Variants in MRPS28 observed in about 807,000 individuals in gnomAD.
The protein encoded by MRPS28 is small ribosomal subunit protein bS1m.
A neutral mutation model predicts 10.8 loss-of-function variants in MRPS28; 7 were observed. That is an observed-to-expected ratio of 0.65 (90% CI 0.37 to 1.22). The LOEUF is 1.22. Among genes scored for constraint, MRPS28 ranks in the 50% most tolerant of loss-of-function variants. The probability of loss-of-function intolerance (pLI) is 0.02; values close to 1 mark genes in which losing one functional copy is unlikely to be tolerated. For synonymous variants in MRPS28, 121 were observed against 93.3 expected, an observed-to-expected ratio of 1.30 and a Z score of -1.71; for missense variants, 265 against 232.9, an observed-to-expected ratio of 1.14 and a Z score of -0.90.
chr8:79,993,343 A>G lies in MRPS28; in HGVS notation c.395+9656T>C, dbSNP rs1204651582. On this transcript the variant is annotated intron_variant, in intron 2 of 2. Transcript: ENST00000276585. ...GCAAACTTCCTAGAGATGTAAATTT[A>G]GACAATCTCTGGAATGATAGAGCTA... Among the ~76,000 whole-genome samples the G allele has an allele frequency of 2.6e-5, 4 of 152,212 alleles. No individual in the cohort carries two copies. In the East Asian group the frequency reaches 7.7e-4, roughly 29 times the overall value.
chr8:79,953,126 T>C (rs1406725597), intron 2 of MRPS28, among the ~76,000 whole-genome samples: 2 of 152,136 alleles, frequency 1.3e-5, no homozygotes, highest in Non-Finnish European at 2.9e-5. Context: ...AAAGGTGCTC[T>C]CACAGTGGAA....
chr8:79,983,025 AGTAGGG>A (rs1232049946), intron 2 of MRPS28, among the ~76,000 whole-genome samples: 2 of 145,562 alleles, frequency 1.4e-5, no homozygotes, highest in African/African-American at 5.2e-5. Flanking sequence ...GGCACCCCCC[AGTAGGG>A]GCAGACTGAC....
At chr8:79,979,975 G>A (rs1807912018) in intron 2 of MRPS28, among the ~76,000 whole-genome samples, 1 of 110,480 alleles carries the variant, frequency 9.1e-6, no homozygotes, top group African/African-American at 3.4e-5. Flanking sequence ...AAGTAGACAA[G>A]TTTTCTGCTA....
intron 2 of MRPS28, among the ~76,000 whole-genome samples, chr8:79,999,711 A>C (rs1173118429): frequency 6.6e-6 from 1 of 152,208 alleles, no homozygotes; most frequent in Non-Finnish European, 1.5e-5. Context: ...TGTACATAGG[A>C]TATGCAGGTA....
chr8:79,968,682 T>G (rs1211155425), intron 2 of MRPS28, among the ~76,000 whole-genome samples: 1 of 151,786 alleles, frequency 6.6e-6, no homozygotes, highest in African/African-American at 2.4e-5. Context: ...CTTAGGGAAC[T>G]TCTACTCATT....
chr8:79,975,232 G>A (rs1005091274), intron 2 of MRPS28, among the ~76,000 whole-genome samples: 1 of 152,168 alleles, frequency 6.6e-6, no homozygotes, highest in African/African-American at 2.4e-5. Flanking sequence ...GGGAGGTTGA[G>A]GCTGCAGTGA....
At chr8:79,931,570 G>T (rs1009274945) in intron 2 of MRPS28, among the ~76,000 whole-genome samples, 1 of 152,138 alleles carries the variant, frequency 6.6e-6, no homozygotes, top group Non-Finnish European at 1.5e-5. Flanking sequence ...CCGTAAAAGA[G>T]GAATCACCGT....
intron 1 of MRPS28, among the ~76,000 whole-genome samples, chr8:80,016,164 C>G (rs1809188810): frequency 6.6e-6 from 1 of 152,020 alleles, no homozygotes; most frequent in South Asian, 2.1e-4. Flanking sequence ...ATATCAGACA[C>G]CAAACCACAG....
chr8:79,981,165 CA>C (rs1258007627), intron 2 of MRPS28, among the ~76,000 whole-genome samples: 1 of 151,920 alleles, frequency 6.6e-6, no homozygotes, highest in Non-Finnish European at 1.5e-5. Context: ...TCTGTCTCAA[CA>C]AAAAAATACA....
intron 2 of MRPS28, among the ~76,000 whole-genome samples, chr8:79,964,854 T>A (rs1290124303): frequency 6.6e-6 from 1 of 151,976 alleles, no homozygotes; most frequent in Admixed American, 6.6e-5. Context: ...ATTAATAACA[T>A]CAGAACCATC....
At position 79,919,057 on chromosome 8, in the gene MRPS28, G is replaced by GTACA. The variant is rs1809999440; in HGVS notation, c.483_486dup (p.Leu163CysfsTer5). The GTACA allele has an allele frequency of 6.2e-7, 1 of 1,610,322 alleles. No homozygotes were observed. Among genetic ancestry groups the GTACA allele is most frequent in the South Asian group, 1.1e-5 (1 of 90,354 alleles). ...CCCAAGAGAACTGCATTAGCCTCTA[G>GTACA]TACAGTTGTATCTGTTGTTGCTCCC... On this transcript the variant is annotated frameshift_variant, in exon 3 of 3. Coordinates refer to ENST00000276585, the MANE Select transcript of MRPS28 (RefSeq NM_014018.3). LOFTEE classifies it high-confidence loss of function.
chr8:80,008,609 T>G (rs1808934980), intron 1 of MRPS28, among the ~76,000 whole-genome samples: 1 of 151,932 alleles, frequency 6.6e-6, no homozygotes, highest in South Asian at 2.1e-4. Flanking sequence ...AAAAAGTGGG[T>G]GAAGGATATG....
At chr8:80,012,296 A>C (rs984660204) in intron 1 of MRPS28, among the ~76,000 whole-genome samples, 6 of 152,236 alleles carry the variant, frequency 3.9e-5, no homozygotes, top group African/African-American at 1.4e-4. Flanking sequence ...GGGAAGCTAC[A>C]TCAAACAATC....
chr8:80,017,754 A>C (rs1456059407), intron 1 of MRPS28, among the ~76,000 whole-genome samples: 1 of 152,236 alleles, frequency 6.6e-6, no homozygotes, highest in African/African-American at 2.4e-5. Context: ...GTAATATCTT[A>C]ATATCAAAAC....
At chr8:80,007,149 A>C (rs1179223081) in intron 1 of MRPS28, among the ~76,000 whole-genome samples, 5 of 152,224 alleles carry the variant, frequency 3.3e-5, no homozygotes, top group Non-Finnish European at 7.3e-5. Flanking sequence ...TCCAGCACAT[A>C]AACAGAACCA....
intron 2 of MRPS28, among the ~76,000 whole-genome samples, chr8:79,995,448 C>T (rs865957446): frequency 7.9e-5 from 12 of 152,144 alleles, no homozygotes; most frequent in Non-Finnish European, 1.2e-4. Flanking sequence ...AGCAGGATTT[C>T]GGATTGAATA....
At chr8:79,965,061 T>C (rs1807471023) in intron 2 of MRPS28, among the ~76,000 whole-genome samples, 1 of 152,116 alleles carries the variant, frequency 6.6e-6, no homozygotes, top group African/African-American at 2.4e-5. Flanking sequence ...TACACACACA[T>C]GTATTAATAT....
intron 1 of MRPS28, among the ~76,000 whole-genome samples, chr8:80,012,544 G>T (rs1311020398): frequency 6.6e-6 from 1 of 152,190 alleles, no homozygotes; most frequent in Non-Finnish European, 1.5e-5. Context: ...CGCTGGATAT[G>T]TATCATAGAG....
At chr8:79,922,897 T>C (rs1171426322) in intron 2 of MRPS28, among the ~76,000 whole-genome samples, 1 of 151,974 alleles carries the variant, frequency 6.6e-6, no homozygotes, top group Admixed American at 6.6e-5. Context: ...AGAAACAAAG[T>C]TCTCAAAAAA....
Sources: allele counts gnomAD v4.1 joint callset (sites outside exome capture counted in the v4.1 genomes callset), GRCh38; gene constraint gnomAD v4.1.1; transcripts MANE v1.5; gene names NCBI Gene and HGNC (gene_info 2026-07-23, HGNC 2026-07-21).